Variants in CFAP47 observed in about 807,000 individuals in gnomAD.
CFAP47 encodes cilia and flagella associated protein 47, also known as cilia- and flagella-associated protein 47.
CFAP47 carries 29 observed loss-of-function variants against 148.1 expected under a neutral mutation model. That is an observed-to-expected ratio of 0.20 (90% CI 0.15 to 0.27). CFAP47 has a LOEUF of 0.27. Ranked by LOEUF, CFAP47 falls within the 10% of genes least tolerant of loss-of-function variation. The pLI is 1.00. For synonymous variants in CFAP47, 664 were observed against 577.3 expected, an observed-to-expected ratio of 1.15 and a Z score of -2.15; for missense variants, 1,872 against 1,697.5, an observed-to-expected ratio of 1.10 and a Z score of -1.81.
At chrX:35,930,215 A>G (rs376017216) in intron 2 of CFAP47, among the ~76,000 whole-genome samples, 6 of 111,420 alleles carry the variant, frequency 5.4e-5, no homozygotes, top group East Asian at 2.8e-4. Flanking sequence ...TAACTTAGTG[A>G]TATGATGGAT....
intron 25 of CFAP47, among the ~76,000 whole-genome samples, chrX:36,040,533 A>G (rs190236354): frequency 7.0e-4 from 78 of 111,814 alleles, no homozygotes; most frequent in Admixed American, 1.2e-3. Context: ...GAAATTGACA[A>G]TGTATGATTC....
At chrX:35,973,969 A>G (rs1936532244) in intron 13 of CFAP47, among the ~76,000 whole-genome samples, 1 of 112,259 alleles carries the variant, frequency 8.9e-6, no homozygotes, top group Admixed American at 9.4e-5. Context: ...TACTAGACAC[A>G]GTTCTGGGTT....
intron 33 of CFAP47, among the ~76,000 whole-genome samples, chrX:36,137,373 A>G (rs974448710): frequency 9.0e-6 from 1 of 111,367 alleles, no homozygotes; most frequent in African/African-American, 3.3e-5. Flanking sequence ...TAAAATTCAG[A>G]TACTTCCTCT....
chrX:36,059,078 A>G (rs1214268578), intron 26 of CFAP47, among the ~76,000 whole-genome samples: 1 of 112,167 alleles, frequency 8.9e-6, no homozygotes, highest in Non-Finnish European at 1.9e-5. Context: ...ACACGGAGTT[A>G]ATGTCCTTCA....
intron 40 of CFAP47, among the ~76,000 whole-genome samples, chrX:36,188,400 G>T (rs1939830309): frequency 9.0e-6 from 1 of 111,385 alleles, no homozygotes; most frequent in South Asian, 3.7e-4. Context: ...AAGAGTGGTG[G>T]AAATATGGAC....
intron 10 of CFAP47, among the ~76,000 whole-genome samples, chrX:35,968,620 C>T (rs185887595): frequency 4.0e-3 from 449 of 111,335 alleles, no homozygotes; most frequent in Middle Eastern, 9.4e-3. Context: ...AGTCATTAAG[C>T]TCACTTAATT....
chrX:36,111,951 A>C (rs1938562530), intron 33 of CFAP47, among the ~76,000 whole-genome samples: 1 of 110,820 alleles, frequency 9.0e-6, no homozygotes, highest in South Asian at 3.8e-4. Flanking sequence ...GGTGACTGAT[A>C]CCCTTTGTAA....
intron 35 of CFAP47, among the ~76,000 whole-genome samples, chrX:36,144,371 G>T (rs1234834536): frequency 8.9e-6 from 1 of 112,009 alleles, no homozygotes; most frequent in Non-Finnish European, 1.9e-5. Flanking sequence ...CGGTATTATT[G>T]CTGTATCTAT....
chrX:36,176,284 G>T (rs993446707), intron 39 of CFAP47, among the ~76,000 whole-genome samples: 19 of 112,450 alleles, frequency 1.7e-4, no homozygotes, highest in African/African-American at 6.1e-4. Flanking sequence ...GCTCGGAGCT[G>T]TAGACCGGAG....
At chrX:36,001,440 C>T (rs1936913790) in intron 20 of CFAP47, among the ~76,000 whole-genome samples, 173 bp from the exon 21 acceptor site, 1 of 111,629 alleles carries the variant, frequency 9.0e-6, no homozygotes, top group Non-Finnish European at 1.9e-5. Flanking sequence ...TTTACTGTCA[C>T]TGTTTTGCCA....
chrX:36,103,519 A>AAAAC (rs1204032648), intron 32 of CFAP47, among the ~76,000 whole-genome samples: 1 of 102,970 alleles, frequency 9.7e-6, no homozygotes, highest in African/African-American at 3.5e-5. Flanking sequence ...AAAAAAAAAA[A>AAAAC]AAAAAAAAAA....
intron 60 of CFAP47, among the ~76,000 whole-genome samples, chrX:36,356,846 T>G (rs1941790208): frequency 8.9e-6 from 1 of 111,917 alleles, no homozygotes; most frequent in African/African-American, 3.2e-5. Context: ...CATACTTGTC[T>G]TCTCTCATCT....
At chrX:36,095,861 C>T (rs1167393490) in intron 30 of CFAP47, among the ~76,000 whole-genome samples, 2 of 111,210 alleles carry the variant, frequency 1.8e-5, no homozygotes, top group Admixed American at 1.9e-4. Flanking sequence ...TGTATTTCTG[C>T]TCTGATGTTG....
intron 46 of CFAP47, among the ~76,000 whole-genome samples, chrX:36,233,775 G>C (rs1357241431): frequency 1.4e-4 from 15 of 110,715 alleles, no homozygotes; most frequent in African/African-American, 4.9e-4. Context: ...TCCATGTTTA[G>C]CGCTTCCTTC....
intron 30 of CFAP47, among the ~76,000 whole-genome samples, chrX:36,097,515 T>G (rs890014463): frequency 1.3e-4 from 14 of 111,722 alleles, no homozygotes; most frequent in Non-Finnish European, 2.3e-4. Flanking sequence ...TCTATTTTAG[T>G]GTAAAAGTGT....
intron 61 of CFAP47, among the ~76,000 whole-genome samples, chrX:36,361,974 G>A (rs1000165795): frequency 1.8e-5 from 2 of 111,341 alleles, no homozygotes; most frequent in Non-Finnish European, 3.8e-5. Flanking sequence ...CTGTGCGAAG[G>A]GTGGCCTTTA....
intron 62 of CFAP47, among the ~76,000 whole-genome samples, chrX:36,369,755 C>T (rs954491645): frequency 1.2e-4 from 13 of 111,163 alleles, no homozygotes; most frequent in Admixed American, 5.8e-4. Flanking sequence ...GAGAGAAGCA[C>T]GTAGAAGATG....
At chrX:36,014,654 T>C in intron 21 of CFAP47, 120 bp from the exon 22 acceptor site, 1 of 263,252 alleles carries the variant, frequency 3.8e-6, no homozygotes, top group Admixed American at 6.4e-5. Flanking sequence ...TAGTTCAATG[T>C]CGCAAGATAA....
chrX:36,086,553 T>TAA (rs1288266873), intron 30 of CFAP47, among the ~76,000 whole-genome samples: 1 of 112,116 alleles, frequency 8.9e-6, no homozygotes, highest in African/African-American at 3.2e-5. Flanking sequence ...AGAATACTCT[T>TAA]ATAGCAGGAA....
Sources: allele counts gnomAD v4.1 joint callset (sites outside exome capture counted in the v4.1 genomes callset), GRCh38; gene constraint gnomAD v4.1.1; transcripts MANE v1.5; gene names NCBI Gene and HGNC (gene_info 2026-07-23, HGNC 2026-07-21).